The following PTAFR variants were observed in gnomAD, a reference collection of about 807,000 sequenced individuals.
PTAFR encodes the protein platelet-activating factor receptor.
PTAFR carries 8 observed loss-of-function variants against 14.7 expected under a neutral mutation model. The observed-to-expected ratio is 0.54, with a 90% CI of 0.32 to 0.98. The LOEUF (loss-of-function observed/expected upper bound fraction) is 0.98, where lower values mean the gene tolerates loss of function less well. PTAFR is among the 50% of genes least tolerant of loss of function. PTAFR has a pLI of 0.04. For missense variants in PTAFR, 337 were observed against 451.2 expected (o/e 0.75, Z 2.29); for synonymous variants, 156 against 176.5 (o/e 0.88, Z 0.92).
chr1:28,174,450 G>T (rs1292157024), intron 1 of PTAFR, among the ~76,000 whole-genome samples: 1 of 152,174 alleles, frequency 6.6e-6, no homozygotes, highest in Non-Finnish European at 1.5e-5. Flanking sequence ...CCTCATACCT[G>T]CTTCCCACCA....
intron 1 of PTAFR, among the ~76,000 whole-genome samples, chr1:28,168,684 T>C (rs1461964921): frequency 6.6e-6 from 1 of 152,180 alleles, no homozygotes; most frequent in Non-Finnish European, 1.5e-5. Flanking sequence ...TGTTTGTTTG[T>C]TTGAAATGAA....
chr1:28,166,895 T>C (rs945614307), intron 1 of PTAFR, among the ~76,000 whole-genome samples: 4 of 152,140 alleles, frequency 2.6e-5, no homozygotes, highest in African/African-American at 9.7e-5. Context: ...GAGGATACCT[T>C]GAGCCCAGGA....
intron 1 of PTAFR, among the ~76,000 whole-genome samples, chr1:28,175,728 C>G (rs1646506266): frequency 6.6e-6 from 1 of 152,110 alleles, no homozygotes; most frequent in African/African-American, 2.4e-5. Flanking sequence ...CCCCCTTCCC[C>G]ACCCCGCAAA....
In PTAFR at chr1:28,149,322, A is replaced by G. The variant is rs1348643509; in HGVS notation, c.*671T>C. The stretch of plus-strand genomic sequence containing the variant: ...TCTATCACTTGAGAGTAGTTGCCCA[A>G]AGCTTTTTTTTTTTTTTTTTTTTTT... On this transcript the variant is annotated 3_prime_UTR_variant, in exon 2 of 2. Transcript: ENST00000373857. 5 of 142,754 alleles carry G rather than the reference A, an allele frequency of 3.5e-5. No homozygotes were observed. Among genetic ancestry groups the G allele is most frequent in the Non-Finnish European group, 7.5e-5 (5 of 66,842 alleles). 8.8% of individuals were successfully genotyped at this position (142,754 alleles called of 1,614,324 possible).
intron 1 of PTAFR, among the ~76,000 whole-genome samples, chr1:28,189,470 G>C (rs980865604): frequency 6.6e-6 from 1 of 151,512 alleles, no homozygotes; most frequent in Non-Finnish European, 1.5e-5. Context: ...AAAATTAGCC[G>C]GGCATGGTGG....
intron 1 of PTAFR, among the ~76,000 whole-genome samples, chr1:28,175,062 C>T (rs894889176): frequency 2.0e-5 from 3 of 151,990 alleles, no homozygotes; most frequent in Admixed American, 6.6e-5. Context: ...GAGTAGCACC[C>T]GCCACCACGC....
intron 1 of PTAFR, among the ~76,000 whole-genome samples, chr1:28,186,525 T>C (rs1244857798): frequency 6.6e-6 from 1 of 151,702 alleles, no homozygotes; most frequent in Non-Finnish European, 1.5e-5. Flanking sequence ...GCGCCAAGAG[T>C]AGCTGAGAAA....
At chr1:28,173,316 G>A (rs1454087960) in intron 1 of PTAFR, among the ~76,000 whole-genome samples, 1 of 106,116 alleles carries the variant, frequency 9.4e-6, no homozygotes, top group Non-Finnish European at 1.9e-5. Flanking sequence ...GGGTGTGCGG[G>A]GGGTGTAGGC....
At chr1:28,175,588 C>T (rs1012775543) in intron 1 of PTAFR, among the ~76,000 whole-genome samples, 1 of 151,902 alleles carries the variant, frequency 6.6e-6, no homozygotes, top group Non-Finnish European at 1.5e-5. Flanking sequence ...TGCACAGCCC[C>T]ATGTCTGGAC....
At chr1:28,176,354 G>T (rs1031897480) in intron 1 of PTAFR, among the ~76,000 whole-genome samples, 5 of 147,658 alleles carry the variant, frequency 3.4e-5, no homozygotes, top group African/African-American at 1.2e-4. Flanking sequence ...GAAGTGGGAG[G>T]ATCACCTGAG....
chr1:28,173,022 C>A (rs1272332802), intron 1 of PTAFR, among the ~76,000 whole-genome samples: 1 of 146,820 alleles, frequency 6.8e-6, no homozygotes, highest in Non-Finnish European at 1.5e-5. Flanking sequence ...GTAATCCCAG[C>A]GCTTTGGGAA....
rs1229809001 is a variant in PTAFR at position 28,147,272 on chromosome 1, G to A, written c.*2721C>T. On this transcript the variant is annotated 3_prime_UTR_variant, in exon 2 of 2. Transcript: ENST00000373857. ...ATGACTGAAATTCAGGAGACGCGGG[G>A]AGTTAGCACAGAAGCACTTTCCTCA... 6 of 152,106 alleles carry A rather than the reference G, an allele frequency of 3.9e-5. No homozygotes were observed. The highest frequency in any genetic ancestry group is 2.6e-4 in the Admixed American group (4 of 15,254). 9.4% of individuals were successfully genotyped at this position (152,106 alleles called of 1,614,324 possible).
chr1:28,175,641 C>T (rs1004332408), intron 1 of PTAFR, among the ~76,000 whole-genome samples: 1 of 151,876 alleles, frequency 6.6e-6, no homozygotes, highest in Non-Finnish European at 1.5e-5. Context: ...TGGGCCCTGT[C>T]CCCAGCACCT....
chr1:28,186,863 T>A (rs1442671750), intron 1 of PTAFR, among the ~76,000 whole-genome samples: 2 of 152,120 alleles, frequency 1.3e-5, no homozygotes, highest in South Asian at 4.1e-4. Flanking sequence ...AGACAGAGAT[T>A]GCAGTGAGCC....
chr1:28,163,751 G>A (rs1261304507), intron 1 of PTAFR, among the ~76,000 whole-genome samples: 3 of 152,230 alleles, frequency 2.0e-5, no homozygotes, highest in Non-Finnish European at 2.9e-5. Context: ...GGAGGGGACT[G>A]TGGGCCAACA....
At chr1:28,190,042 G>A (rs897283289) in intron 1 of PTAFR, among the ~76,000 whole-genome samples, 3 of 151,212 alleles carry the variant, frequency 2.0e-5, no homozygotes, top group Non-Finnish European at 2.9e-5. Flanking sequence ...GTGCAATCTC[G>A]GCTCACTGCA....
chr1:28,169,688 A>G (rs1196529127), intron 1 of PTAFR, among the ~76,000 whole-genome samples: 2 of 152,136 alleles, frequency 1.3e-5, no homozygotes, highest in African/African-American at 4.8e-5. Flanking sequence ...TGAAGAGTCA[A>G]TGAAATAATG....
At chr1:28,187,400 C>G (rs1306692563) in intron 1 of PTAFR, among the ~76,000 whole-genome samples, 1 of 152,150 alleles carries the variant, frequency 6.6e-6, no homozygotes, top group East Asian at 1.9e-4. Flanking sequence ...TCTCTCACTT[C>G]ATATCCAGAA....
At chr1:28,151,183 C>A (rs542976334) in intron 1 of PTAFR, 124 bp from the exon 2 acceptor site, 18 of 491,792 alleles carry the variant, frequency 3.7e-5, no homozygotes, top group Non-Finnish European at 6.3e-5. Context: ...CATGTTGAAT[C>A]TTTTTTTTTT....
Sources: allele counts gnomAD v4.1 joint callset (sites outside exome capture counted in the v4.1 genomes callset), GRCh38; gene constraint gnomAD v4.1.1; transcripts MANE v1.5; gene names NCBI Gene and HGNC (gene_info 2026-07-23, HGNC 2026-07-21).